TMEM151A: variants seen among roughly 807,000 people sequenced by gnomAD.
The protein encoded by TMEM151A is transmembrane protein 151.
Under a neutral mutation model 33.7 loss-of-function variants are expected in TMEM151A, and 21 were observed. The observed-to-expected ratio is 0.62, with a 90% CI of 0.44 to 0.90. The LOEUF is 0.90. Among genes scored for constraint, TMEM151A ranks in the 40% least tolerant of loss-of-function variants. The pLI, the probability that TMEM151A is intolerant of heterozygous loss-of-function variation, is 0.00. For synonymous variants in TMEM151A, 374 were observed against 330.3 expected (o/e 1.13, Z -1.43); for missense variants, 704 against 697.7 (o/e 1.01, Z -0.10).
In TMEM151A at chr11:66,292,176, G is replaced by T; in HGVS notation, c.75+88G>T. ...GCGACCCCAAGAGAGGGGCTGAGGA[G>T]GGAAGTCCCAGAGCCCCTACGGCCA... On this transcript the variant is annotated intron_variant, in intron 1 of 1. Coordinates refer to ENST00000327259, the MANE Select transcript of TMEM151A (RefSeq NM_153266.4). The surrounding 1 kb of genome is among the most constrained non-coding windows in gnomAD (Gnocchi z 4.7). 8.6e-7 allele frequency: 1 copy of T among 1,168,566 alleles called. No individual in the cohort carries two copies. Among genetic ancestry groups the T allele is most frequent in the Non-Finnish European group, 1.1e-6 (1 of 891,922 alleles). The allele number at this position is 1,168,566 out of a possible 1,614,324, so 72.4% of individuals were successfully genotyped here.
rs775464809 is a variant in TMEM151A, at chr11:66,295,666, C to G, written c.*13C>G. The G allele has an allele frequency of 6.8e-7, 1 of 1,477,922 alleles. No individual in the cohort carries two copies. The highest frequency in any genetic ancestry group is 2.5e-5 in the Admixed American group (1 of 40,192). 91.6% of individuals were successfully genotyped at this position (1,477,922 alleles called of 1,614,324 possible). On this transcript the variant is annotated 3_prime_UTR_variant, in exon 2 of 2. Coordinates refer to ENST00000327259, the MANE Select transcript of TMEM151A (RefSeq NM_153266.4). ...GGGTGCTCTCTGAGACCCCCCACGG[C>G]CCCCAGAGTGGCCCCCTCCCCACCA...
Position 66,295,874 on chromosome 11 carries a change from TC to T in TMEM151A, c.*226del, listed in dbSNP as rs1355132996. The T allele has an allele frequency of 9.8e-6, 4 of 409,074 alleles. No homozygotes were observed. The highest frequency in any genetic ancestry group is 6.2e-5 in the African/African-American group (3 of 48,550). The allele number at this position is 409,074 out of a possible 1,614,324, so 25.3% of individuals were successfully genotyped here. On this transcript the variant is annotated 3_prime_UTR_variant, in exon 2 of 2. Coordinates refer to ENST00000327259, the MANE Select transcript of TMEM151A (RefSeq NM_153266.4). ...AAGAATCGCCCCCAGCATGGCTTCA[TC>T]CCCCAAGATGGCCGATGATCTGGCC...
Position 66,295,359 on chromosome 11 carries a change from C to T in TMEM151A, c.1113C>T (p.Gly371=), listed in dbSNP as rs548936904. The part of the protein sequence containing the change: ...SEAVVMGAGS[G]AYLRGCQRCR... ...CCGTGGTCATGGGCGCGGGCTCGGG[C>T]GCCTACCTCAGAGGCTGCCAGCGCT... Residue 371 remains glycine, a synonymous_variant, in exon 2 of 2, where the codon GGC becomes GGT. Coordinates refer to ENST00000327259, the MANE Select transcript of TMEM151A (RefSeq NM_153266.4). The T allele has an allele frequency of 1.7e-5, 27 of 1,575,960 alleles. No individual in the cohort carries two copies. In the African/African-American group the frequency reaches 2.3e-4, roughly 13 times the overall value.
At chr11:66,293,454 G>A (rs897515977) in intron 1 of TMEM151A, among the ~76,000 whole-genome samples, 2 of 152,060 alleles carry the variant, frequency 1.3e-5, no homozygotes, top group Non-Finnish European at 2.9e-5. Flanking sequence ...GCCAGGGAGG[G>A]TGTGGCAAGC....
rs749398656 is a variant in TMEM151A, at chr11:66,294,987, G to A, written c.741G>A (p.Glu247=). ...TQRARFFSAN[E]GLDDYLEARE... is the part of the protein sequence containing the mutation. The stretch of plus-strand genomic sequence containing the variant: ...GGGCGCGCTTCTTCAGCGCCAACGA[G>A]GGCCTGGACGACTATCTGGAGGCGC... Residue 247 remains glutamate (E), a synonymous_variant, in exon 2 of 2, where the codon GAG becomes GAA. Coordinates refer to ENST00000327259, the MANE Select transcript of TMEM151A (RefSeq NM_153266.4). 2.2e-4 allele frequency: 352 copies of A among 1,587,306 alleles called. 1 individual carries two copies. The highest frequency in any genetic ancestry group is 2.9e-4 in the Non-Finnish European group (339 of 1,173,684).
rs2134898400 is a variant in TMEM151A at position 66,294,444 on chromosome 11, A to G, written c.198A>G (p.Thr66=). 6.2e-7 allele frequency: 1 copy of G among 1,610,320 alleles called. No homozygotes were observed. Among genetic ancestry groups the G allele is most frequent in the Non-Finnish European group, 8.5e-7 (1 of 1,178,736 alleles). Residue 66 remains threonine, a synonymous_variant, in exon 2 of 2, where the codon ACA becomes ACG. Transcript: ENST00000327259. ...GAVVAWCRLA[T]VPRLVLGPEA... ...TGGTGGCCTGGTGTCGCCTGGCCACAGTGCCGCGGCTGGTCCTGGGGCCCG... is the reference window on the plus strand; with the variant it reads ...TGGTGGCCTGGTGTCGCCTGGCCACGGTGCCGCGGCTGGTCCTGGGGCCCG...
rs964583140 is a variant in TMEM151A at position 66,295,856 on chromosome 11, G to A, written c.*203G>A. On this transcript the variant is annotated 3_prime_UTR_variant, in exon 2 of 2. Coordinates refer to ENST00000327259, the MANE Select transcript of TMEM151A (RefSeq NM_153266.4). ...TGGAGGAAGTGGAAGCCTAAGAATC[G>A]CCCCCAGCATGGCTTCATCCCCCAA... 1.4e-5 allele frequency: 6 copies of A among 435,636 alleles called. No homozygotes were observed. Among genetic ancestry groups the A allele is most frequent in the Non-Finnish European group, 2.3e-5 (6 of 256,272 alleles). The allele number at this position is 435,636 out of a possible 1,614,324, so 27.0% of individuals were successfully genotyped here.
chr11:66,293,065 G>A (rs1014604003), intron 1 of TMEM151A, among the ~76,000 whole-genome samples: 2 of 152,134 alleles, frequency 1.3e-5, no homozygotes, highest in African/African-American at 2.4e-5. Flanking sequence ...TCTGTGCCCT[G>A]GGGACAGGCG....
rs555441311 is a variant in TMEM151A at position 66,293,228 on chromosome 11, G to A, written c.76-1094G>A. Among the ~76,000 whole-genome samples the A allele has an allele frequency of 1.8e-4, 28 of 152,242 alleles. No individual in the cohort carries two copies. In the South Asian group the frequency reaches 2.3e-3, roughly 12 times the overall value. On this transcript the variant is annotated intron_variant, in intron 1 of 1. Transcript: ENST00000327259. The stretch of plus-strand genomic sequence containing the variant: ...CTGTGCTCCCATGCTGGGTGATGGG[G>A]ACAGGCTGTATCTGGGCTGGGCTAG...
Position 66,292,349 on chromosome 11 carries a change from C to T in TMEM151A, c.75+261C>T, listed in dbSNP as rs1244061556. On this transcript the variant is annotated intron_variant, in intron 1 of 1. Coordinates refer to ENST00000327259, the MANE Select transcript of TMEM151A (RefSeq NM_153266.4). The surrounding 1 kb of genome is among the most constrained non-coding windows in gnomAD (Gnocchi z 4.7). ...CCTCGCCCGTCCTGTGACGTCAGTGCCTGGCCCCCACGCGTCCCAGTGCCG... is the reference window on the plus strand; with the variant it reads ...CCTCGCCCGTCCTGTGACGTCAGTGTCTGGCCCCCACGCGTCCCAGTGCCG... 6.6e-6 allele frequency among the ~76,000 whole-genome samples: 1 copy of T among 152,172 alleles called. No individual in the cohort carries two copies. The highest frequency in any genetic ancestry group is 1.5e-5 in the Non-Finnish European group (1 of 68,026).
In TMEM151A at chr11:66,294,508, A is replaced by G. The variant is rs533116852; in HGVS notation, c.262A>G (p.Thr88Ala). Residue 88 changes from threonine (T) to alanine (A), a missense_variant, in exon 2 of 2, where the codon ACC (threonine) becomes GCC (alanine). Thr to Ala is a moderately conservative substitution (Grantham distance 58). Around this residue, in one of 3 missense-constraint regions of TMEM151A, gnomAD observed 301 missense variants for 323.4 expected, o/e 0.93. Coordinates refer to ENST00000327259, the MANE Select transcript of TMEM151A (RefSeq NM_153266.4). ...CCGGGGAGCCGGGGGCCCGCCACCG[A>G]CCTACCCGGCCAGCCCCTGCTCCGA... ...LARGAGGPPP[T>A]YPASPCSDGY... 1.2e-6 allele frequency: 2 copies of G among 1,607,282 alleles called. No homozygotes were observed. The highest frequency in any genetic ancestry group is 1.1e-5 in the South Asian group (1 of 90,528).
chr11:66,294,817 G>T lies in TMEM151A; in HGVS notation c.571G>T (p.Gly191Cys). 6.5e-7 allele frequency: 1 copy of T among 1,541,650 alleles called. No individual in the cohort carries two copies. Among genetic ancestry groups the T allele is most frequent in the Non-Finnish European group, 8.7e-7 (1 of 1,146,342 alleles). The change falls in exon 2 of 2, where the codon GGC (glycine) becomes TGC (cysteine). Residue 191 changes from glycine to cysteine, a missense_variant. Gly to Cys is a radical substitution (Grantham distance 159). Coordinates refer to ENST00000327259, the MANE Select transcript of TMEM151A (RefSeq NM_153266.4). ...GCGCGCTGACAGCCGCACGGCCCGCGGCGAGTTTGACTACTCGGCGCACGG... is the reference window on the plus strand; with the variant it reads ...GCGCGCTGACAGCCGCACGGCCCGCTGCGAGTTTGACTACTCGGCGCACGG... Reference protein sequence around the residue: ...HERADSRTARGEFDYSAHGVR... With the variant: ...HERADSRTARCEFDYSAHGVR...
chr11:66,294,458 TCC>T lies in TMEM151A; in HGVS notation c.213_214del (p.Leu72GlyfsTer44). The T allele has an allele frequency of 6.2e-7, 1 of 1,608,338 alleles. No individual in the cohort carries two copies. The highest frequency in any genetic ancestry group is 8.5e-7 in the Non-Finnish European group (1 of 1,177,572). On this transcript the variant is annotated frameshift_variant, in exon 2 of 2. Transcript: ENST00000327259. LOFTEE classifies it high-confidence loss of function. Reference sequence around the variant, plus strand: ...CGCCTGGCCACAGTGCCGCGGCTGGTCCTGGGGCCCGAGGCCGCCTTGGCCCG... The same window carrying T: ...CGCCTGGCCACAGTGCCGCGGCTGGTTGGGGCCCGAGGCCGCCTTGGCCCG...
Position 66,295,010 on chromosome 11 carries a change from CG to C in TMEM151A, c.765del (p.Arg256AlafsTer6). ...ANEGLDDYLE[A>X]REGMHLKDVD... ...GAGGGCCTGGACGACTATCTGGAGG[CG>C]CGCGAGGGCATGCACCTGAAGGACG... On this transcript the variant is annotated frameshift_variant, in exon 2 of 2. Transcript: ENST00000327259. LOFTEE classifies it high-confidence loss of function. The C allele has an allele frequency of 2.5e-6, 4 of 1,592,928 alleles. No individual in the cohort carries two copies. Among genetic ancestry groups the C allele is most frequent in the Non-Finnish European group, 3.4e-6 (4 of 1,176,396 alleles).
In TMEM151A at chr11:66,295,271, A is replaced by G. The variant is rs748668756; in HGVS notation, c.1025A>G (p.Asp342Gly). Residue 342 changes from aspartate to glycine, a missense_variant, in exon 2 of 2, where the codon GAC (aspartate) becomes GGC (glycine). Asp to Gly is a moderately conservative substitution (Grantham distance 94, BLOSUM62 -1). This residue lies in a region of TMEM151A where 398 missense variants were observed against 356.0 expected (regional missense o/e 1.12). Transcript: ENST00000327259. ...GPPLSRVATV[D>G]FTELEWHICS... ...CCGCTGTCCCGCGTGGCCACAGTGG[A>G]CTTCACTGAGCTCGAGTGGCACATC... 6.4e-7 allele frequency: 1 copy of G among 1,568,512 alleles called. No homozygotes were observed. The highest frequency in any genetic ancestry group is 8.6e-7 in the Non-Finnish European group (1 of 1,157,208).
At position 66,292,909 on chromosome 11, in the gene TMEM151A, C is replaced by T. The variant is rs1349183743; in HGVS notation, c.75+821C>T. ...TTGCAGTGGGGGGTGGGGAGATGTG[C>T]ACTGTGGTCAGGTGAAGGTCTGGTA... is the stretch of plus-strand genomic sequence containing the variant. On this transcript the variant is annotated intron_variant, in intron 1 of 1. Coordinates refer to ENST00000327259, the MANE Select transcript of TMEM151A (RefSeq NM_153266.4). The surrounding 1 kb of genome is among the most constrained non-coding windows in gnomAD (Gnocchi z 4.7). Among the ~76,000 whole-genome samples, 2 of 151,812 alleles carry T rather than the reference C, an allele frequency of 1.3e-5. No individual in the cohort carries two copies. The highest frequency in any genetic ancestry group is 4.8e-5 in the African/African-American group (2 of 41,282).
chr11:66,293,384 A>G (rs1857476097), intron 1 of TMEM151A, among the ~76,000 whole-genome samples: 1 of 151,296 alleles, frequency 6.6e-6, no homozygotes, highest in South Asian at 2.1e-4. Flanking sequence ...GCCCCACTTT[A>G]TCCCTACCTG....
Position 66,295,092 on chromosome 11 carries a change from C to CT in TMEM151A, c.846_847insT (p.Ala283CysfsTer63). ...CCGACCCCCGCAGCCCGCCCTGGTA[C>CT]GCGCGCGCCTGGGTCTTCTGGCTCG... On this transcript the variant is annotated frameshift_variant, in exon 2 of 2. Coordinates refer to ENST00000327259, the MANE Select transcript of TMEM151A (RefSeq NM_153266.4). LOFTEE classifies it high-confidence loss of function. 6.3e-7 allele frequency: 1 copy of CT among 1,594,794 alleles called. No homozygotes were observed.
At chr11:66,294,173 G>A in intron 1 of TMEM151A, 149 bp from the exon 2 acceptor site, 2 of 1,247,108 alleles carry the variant, frequency 1.6e-6, no homozygotes, top group African/African-American at 3.0e-5. Context: ...GTGAAGCCTG[G>A]AGCAAGCTGC....
Sources: gnomAD v4.1 joint callset for allele counts (sites outside exome capture counted in the v4.1 genomes callset) on GRCh38, gnomAD v4.1.1 for gene constraint, gnomAD v4.1.1 regional missense constraint, Gnocchi (gnomAD v3.1) non-coding constraint, MANE v1.5 for transcripts, NCBI Gene and HGNC (gene_info 2026-07-23, HGNC 2026-07-21) for gene names.